The following IP6K3 variants were observed in gnomAD, a reference collection of about 807,000 sequenced individuals.
The protein encoded by IP6K3 is inositol hexakisphosphate kinase 3.
IP6K3 carries 20 observed loss-of-function variants against 28.8 expected under a neutral mutation model. That is an observed-to-expected ratio of 0.70 (90% CI 0.49 to 1.01). The LOEUF (loss-of-function observed/expected upper bound fraction) is 1.01, where lower values mean the gene tolerates loss of function less well. IP6K3 is among the 50% of genes least tolerant of loss of function. IP6K3 has a pLI of 0.00. For missense variants in IP6K3, 480 were observed against 537.1 expected (o/e 0.89, Z 1.05); for synonymous variants, 213 against 221.3 (o/e 0.96, Z 0.33).
chr6:33,761,560 A>G, the IP6K3 span, among the ~76,000 whole-genome samples: 7 of 152,020 alleles, frequency 4.6e-5, no homozygotes, highest in African/African-American at 1.4e-4. Flanking sequence ...AGATGCAGCA[A>G]TAAGCCCCTC....
chr6:33,728,067 A>C lies in IP6K3; in HGVS notation c.413+20T>G. The C allele has an allele frequency of 6.3e-7, 1 of 1,598,006 alleles. No homozygotes were observed. Among genetic ancestry groups the C allele is most frequent in the African/African-American group, 1.3e-5 (1 of 74,984 alleles). On this transcript the variant is annotated intron_variant, in intron 3 of 5. Coordinates refer to ENST00000293756, the MANE Select transcript of IP6K3 (RefSeq NM_054111.5). ...CCTGCCGAGGGACAGGGTTTCTGTC[A>C]TCCTGCCCAGTGCCCTCACCTCTCC...
At chr6:33,755,799 A>G in the IP6K3 span, among the ~76,000 whole-genome samples, 1 of 152,274 alleles carries the variant, frequency 6.6e-6, no homozygotes, top group Non-Finnish European at 1.5e-5. Context: ...TAAGCAGGGA[A>G]CAAAACCAAT....
At chr6:33,740,199 G>T (rs6929527) in intron 1 of IP6K3, among the ~76,000 whole-genome samples, 16,405 of 152,204 alleles carry the variant, frequency 0.11, 1,147 homozygotes, top group African/African-American at 0.19. Flanking sequence ...GGAGGCATAG[G>T]GGGAGTAAGA....
intron 1 of IP6K3, among the ~76,000 whole-genome samples, chr6:33,741,733 C>T (rs1050292118): frequency 2.0e-5 from 3 of 150,530 alleles, no homozygotes; most frequent in African/African-American, 7.4e-5. Context: ...GGGCGGATCA[C>T]CTGAGGTCAG....
the IP6K3 span, among the ~76,000 whole-genome samples, chr6:33,758,594 T>G: frequency 2.6e-5 from 4 of 152,192 alleles, no homozygotes; most frequent in East Asian, 3.9e-4. Context: ...AAAAGTTTTT[T>G]TTGTTGTTGT....
chr6:33,759,656 G>A, the IP6K3 span, among the ~76,000 whole-genome samples: 1 of 152,222 alleles, frequency 6.6e-6, no homozygotes, highest in Non-Finnish European at 1.5e-5. Context: ...GAGGTCAGGA[G>A]ATCGAGACCA....
chr6:33,747,469 G>A (rs1246315198), upstream of IP6K3, among the ~76,000 whole-genome samples: 3 of 152,196 alleles, frequency 2.0e-5, no homozygotes, highest in Non-Finnish European at 4.4e-5. This position sits in a 1 kb window ranked among gnomAD's most constrained non-coding sequence, Gnocchi z 5.2. Flanking sequence ...GGCTCAGCAA[G>A]TCAGAGGGCA....
chr6:33,759,568 A>G, the IP6K3 span, among the ~76,000 whole-genome samples: 1 of 152,206 alleles, frequency 6.6e-6, no homozygotes, highest in African/African-American at 2.4e-5. Flanking sequence ...TTTTAAAAAA[A>G]GAAGGGAGGG....
the IP6K3 span, among the ~76,000 whole-genome samples, chr6:33,754,670 A>C: frequency 6.6e-6 from 1 of 152,110 alleles, no homozygotes; most frequent in Non-Finnish European, 1.5e-5. Context: ...TTCTCTGGGC[A>C]TCCCACTCCC....
the IP6K3 span, among the ~76,000 whole-genome samples, chr6:33,752,125 A>G: frequency 5.9e-5 from 9 of 152,216 alleles, no homozygotes; most frequent in Admixed American, 2.0e-4. Context: ...GTTCTTGTGG[A>G]CTTTTAATCC....
At chr6:33,755,816 C>T in the IP6K3 span, among the ~76,000 whole-genome samples, 1 of 152,238 alleles carries the variant, frequency 6.6e-6, no homozygotes, top group Non-Finnish European at 1.5e-5. Context: ...CAATAAAAAC[C>T]ATTGATGTTA....
chr6:33,735,698 G>A (rs1337346961), intron 1 of IP6K3, 43 bp from the exon 2 acceptor site: 15 of 1,176,608 alleles, frequency 1.3e-5, no homozygotes, highest in East Asian at 1.1e-4. Context: ...TGAGGGAGGT[G>A]GTGGCTGGGG....
rs189968818 is a variant in IP6K3 at position 33,745,218 on chromosome 6, C to T, written c.-180+1540G>A. Among the ~76,000 whole-genome samples the T allele has an allele frequency of 2.4e-3, 372 of 152,328 alleles. 1 individual carries two copies. The highest frequency in any genetic ancestry group is 8.0e-3 in the African/African-American group (334 of 41,574). Reference sequence around the variant, plus strand: ...GCTAGTGAACAAGAGAGCAACCATCCGGGTTTCTGCCTGGGAAGGATTTAT... The same window carrying T: ...GCTAGTGAACAAGAGAGCAACCATCTGGGTTTCTGCCTGGGAAGGATTTAT... On this transcript the variant is annotated intron_variant, in intron 1 of 5. Coordinates refer to ENST00000293756, the MANE Select transcript of IP6K3 (RefSeq NM_054111.5).
intron 1 of IP6K3, among the ~76,000 whole-genome samples, chr6:33,737,836 C>T (rs1380931350): frequency 1.3e-5 from 2 of 152,214 alleles, no homozygotes; most frequent in Admixed American, 1.3e-4. Flanking sequence ...GGGCCTAAGA[C>T]TCCAGCCTAG....
chr6:33,726,721 G>A lies in IP6K3; in HGVS notation c.589+10C>T. ...CTTGGGACCACATGTGAGGGGGATG[G>A]CAAGGATACGATGCCGCTTGTTCTC... On this transcript the variant is annotated intron_variant, in intron 4 of 5. Transcript: ENST00000293756. The A allele has an allele frequency of 7.0e-6, 11 of 1,567,378 alleles. No individual in the cohort carries two copies. Among genetic ancestry groups the A allele is most frequent in the African/African-American group, 1.3e-5 (1 of 74,236 alleles).
upstream of IP6K3, among the ~76,000 whole-genome samples, chr6:33,751,126 C>A (rs1767015222): frequency 6.6e-6 from 1 of 152,180 alleles, no homozygotes; most frequent in South Asian, 2.1e-4. This position sits in a 1 kb window ranked among gnomAD's most constrained non-coding sequence, Gnocchi z 4.3. Flanking sequence ...CAGCCCTTTG[C>A]AGCAAGGGGG....
the IP6K3 span, among the ~76,000 whole-genome samples, chr6:33,761,559 A>T: frequency 2.0e-5 from 3 of 152,006 alleles, no homozygotes; most frequent in South Asian, 2.1e-4. Context: ...CAGATGCAGC[A>T]ATAAGCCCCT....
chr6:33,745,061 T>G (rs1161665279), intron 1 of IP6K3, among the ~76,000 whole-genome samples: 1 of 152,194 alleles, frequency 6.6e-6, no homozygotes, highest in Admixed American at 6.5e-5. Context: ...GTAACTATTA[T>G]TAAGGTAACA....
chr6:33,751,389 G>A (rs1561914739), upstream of IP6K3, among the ~76,000 whole-genome samples: 1 of 152,168 alleles, frequency 6.6e-6, no homozygotes, highest in Non-Finnish European at 1.5e-5. This position sits in a 1 kb window ranked among gnomAD's most constrained non-coding sequence, Gnocchi z 4.3. Context: ...AATCTGGGAG[G>A]TGATAAACTC....
Sources: gnomAD v4.1 joint callset for allele counts (sites outside exome capture counted in the v4.1 genomes callset) on GRCh38, gnomAD v4.1.1 for gene constraint, Gnocchi (gnomAD v3.1) non-coding constraint, MANE v1.5 for transcripts, NCBI Gene and HGNC (gene_info 2026-07-23, HGNC 2026-07-21) for gene names.